Variants in PTPRK observed in about 807,000 individuals in gnomAD.
PTPRK encodes receptor-type tyrosine-protein phosphatase kappa.
A neutral mutation model predicts 178.0 loss-of-function variants in PTPRK; 75 were observed. The observed-to-expected ratio is 0.42, with a 90% CI of 0.35 to 0.51. The LOEUF (loss-of-function observed/expected upper bound fraction) is 0.51, where lower values mean the gene tolerates loss of function less well. PTPRK is among the 20% of genes least tolerant of loss of function. The probability of loss-of-function intolerance (pLI) is 0.02; values close to 1 mark genes in which losing one functional copy is unlikely to be tolerated. For missense variants in PTPRK, 1,441 were observed against 1,797.8 expected (o/e 0.80, Z 3.59); for synonymous variants, 637 against 620.6 (o/e 1.03, Z -0.39).
At chr6:128,023,512 C>T (rs1773833217) in intron 13 of PTPRK, among the ~76,000 whole-genome samples, 1 of 152,096 alleles carries the variant, frequency 6.6e-6, no homozygotes, top group Non-Finnish European at 1.5e-5. Flanking sequence ...TGAATTTGCC[C>T]CCAGCATGTT....
rs1829742611 is a variant in PTPRK at position 128,327,551 on chromosome 6, G to GTCC, written c.224-5242_224-5241insGGA. On this transcript the variant is annotated intron_variant, in intron 2 of 29. Coordinates refer to ENST00000368226, the MANE Select transcript of PTPRK (RefSeq NM_002844.4). The stretch of plus-strand genomic sequence containing the variant: ...CATGCCAGTTTTCTGTCCTCAAACT[G>GTCC]TCTCACAGTTTCTAAATGTCTGATT... Among the ~76,000 whole-genome samples, 2 of 152,032 alleles carry GTCC rather than the reference G, an allele frequency of 1.3e-5. 1 individual carries two copies. The highest frequency in any genetic ancestry group is 4.1e-4 in the South Asian group (2 of 4,826).
chr6:128,136,018 T>C (rs1489121515), intron 7 of PTPRK, among the ~76,000 whole-genome samples: 1 of 152,160 alleles, frequency 6.6e-6, no homozygotes, highest in Non-Finnish European at 1.5e-5. Context: ...TTTGGAGATA[T>C]TAAAGTTAAA....
intron 7 of PTPRK, among the ~76,000 whole-genome samples, chr6:128,170,678 A>G (rs1800104998): frequency 6.6e-6 from 1 of 152,024 alleles, no homozygotes; most frequent in African/African-American, 2.4e-5. Flanking sequence ...TAATAGATGC[A>G]CATGTTGTCA....
intron 1 of PTPRK, among the ~76,000 whole-genome samples, chr6:128,448,946 G>A (rs750973838): frequency 2.6e-5 from 4 of 151,976 alleles, no homozygotes; most frequent in East Asian, 3.9e-4. Context: ...TGCAACCTCC[G>A]CCTCCTGGGT....
Position 128,001,104 on chromosome 6 carries a change from C to T in PTPRK, c.2495-2200G>A, listed in dbSNP as rs112298136. 4.4e-3 allele frequency: 4,592 copies of T among 1,054,016 alleles called. 142 individuals are homozygous for T. In the African/African-American group the frequency reaches 0.066, roughly 15 times the overall value. The allele number at this position is 1,054,016 out of a possible 1,614,324, so 65.3% of individuals were successfully genotyped here. A position where few individuals can be genotyped will look rare whatever the true frequency, so the allele number is the denominator to read the frequency against. ...GTGACTAGTAGTGAGGGTACACGTA[C>T]TAATCATTATCCTTATTATACATTT... On this transcript the variant is annotated intron_variant, in intron 15 of 29. Coordinates refer to ENST00000368226, the MANE Select transcript of PTPRK (RefSeq NM_002844.4).
intron 17 of PTPRK, among the ~76,000 whole-genome samples, 200 bp from the exon 18 acceptor site, chr6:127,995,738 A>G (rs928149771): frequency 7.2e-5 from 11 of 152,076 alleles, no homozygotes; most frequent in Non-Finnish European, 1.5e-4. Context: ...CTTAAGCTTC[A>G]CTGACTTGAA....
intron 2 of PTPRK, among the ~76,000 whole-genome samples, chr6:128,380,553 C>CGTGTGT (rs1554246048): frequency 1.2e-4 from 18 of 146,288 alleles, no homozygotes; most frequent in African/African-American, 4.5e-4. Flanking sequence ...CACACACACA[C>CGTGTGT]GTGTGTGTGT....
Position 128,486,054 on chromosome 6 carries a change from G to A in PTPRK, c.100+34205C>T, listed in dbSNP as rs576385748. On this transcript the variant is annotated intron_variant, in intron 1 of 29. Coordinates refer to ENST00000368226, the MANE Select transcript of PTPRK (RefSeq NM_002844.4). ...TTCAATTTTAGTTGAATTCTAAAAT[G>A]TATGTTCATTAAATAGTTTCATATT... 2.6e-5 allele frequency among the ~76,000 whole-genome samples: 4 copies of A among 152,142 alleles called. No individual in the cohort carries two copies. In the East Asian group the frequency reaches 5.8e-4, roughly 22 times the overall value.
At chr6:128,076,117 G>A (rs1403330967) in intron 11 of PTPRK, among the ~76,000 whole-genome samples, 1 of 151,902 alleles carries the variant, frequency 6.6e-6, no homozygotes, top group African/African-American at 2.4e-5. Context: ...AAATTGAGTG[G>A]AAAGTAAAAT....
At chr6:128,483,270 T>C (rs1204415857) in intron 1 of PTPRK, among the ~76,000 whole-genome samples, 3 of 152,154 alleles carry the variant, frequency 2.0e-5, no homozygotes, top group Non-Finnish European at 4.4e-5. Flanking sequence ...GCAGCATGTC[T>C]TTCATTAAAA....
intron 5 of PTPRK, among the ~76,000 whole-genome samples, chr6:128,219,798 C>T (rs1269024120): frequency 6.6e-6 from 1 of 152,100 alleles, no homozygotes; most frequent in African/African-American, 2.4e-5. Flanking sequence ...TATGTTTTTC[C>T]CCACCAGAAG....
intron 7 of PTPRK, among the ~76,000 whole-genome samples, chr6:128,142,254 C>T (rs1795876438): frequency 6.6e-6 from 1 of 151,932 alleles, no homozygotes; most frequent in Non-Finnish European, 1.5e-5. Context: ...CAACAAGCAA[C>T]ACAAATTTAT....
At chr6:128,171,855 A>G (rs528171981) in intron 7 of PTPRK, among the ~76,000 whole-genome samples, 1 of 152,148 alleles carries the variant, frequency 6.6e-6, no homozygotes, top group Non-Finnish European at 1.5e-5. Flanking sequence ...TATTACAAGT[A>G]TATGTATACA....
chr6:128,004,178 C>G (rs545895661), intron 15 of PTPRK, among the ~76,000 whole-genome samples: 5 of 151,918 alleles, frequency 3.3e-5, no homozygotes, highest in Non-Finnish European at 5.9e-5. Flanking sequence ...TCTCTGCGAT[C>G]TGAGCCAAAT....
chr6:128,391,463 T>C (rs931737980), intron 2 of PTPRK, among the ~76,000 whole-genome samples: 5 of 152,194 alleles, frequency 3.3e-5, no homozygotes, highest in Non-Finnish European at 7.4e-5. Flanking sequence ...AGCGATAATA[T>C]TGCAAGCTAA....
chr6:128,454,611 C>T (rs1415505133), intron 1 of PTPRK, among the ~76,000 whole-genome samples: 1 of 152,022 alleles, frequency 6.6e-6, no homozygotes, highest in Non-Finnish European at 1.5e-5. Context: ...TTCATCACCC[C>T]AAAAAGAAAC....
intron 13 of PTPRK, among the ~76,000 whole-genome samples, chr6:128,049,305 G>A (rs1177314401): frequency 1.3e-5 from 2 of 152,070 alleles, no homozygotes; most frequent in Non-Finnish European, 2.9e-5. Context: ...AACCAAAGTA[G>A]TTTCAAAATA....
intron 5 of PTPRK, among the ~76,000 whole-genome samples, chr6:128,238,402 G>A (rs1813752366): frequency 6.6e-6 from 1 of 151,650 alleles, no homozygotes; most frequent in Admixed American, 6.6e-5. Context: ...CAGACCAGCA[G>A]GGTCCAGAAA....
At chr6:128,406,088 C>G (rs1192348217) in intron 1 of PTPRK, among the ~76,000 whole-genome samples, 1 of 151,616 alleles carries the variant, frequency 6.6e-6, no homozygotes, top group African/African-American at 2.4e-5. Context: ...GAGAACCCAC[C>G]TCTACAAAAA....
Sources: allele counts gnomAD v4.1 joint callset (sites outside exome capture counted in the v4.1 genomes callset), GRCh38; gene constraint gnomAD v4.1.1; transcripts MANE v1.5; gene names NCBI Gene and HGNC (gene_info 2026-07-23, HGNC 2026-07-21).